Variants in FRMPD4 observed in about 807,000 individuals in gnomAD.
FRMPD4 encodes FERM and PDZ domain-containing protein 4.
In FRMPD4, 22 loss-of-function variants were observed where a neutral mutation model predicts 94.1. That is an observed-to-expected ratio of 0.23 (90% CI 0.17 to 0.33). The LOEUF is 0.33. Ranked by LOEUF, FRMPD4 falls within the 10% of genes least tolerant of loss-of-function variation. The pLI is 1.00. For synonymous variants in FRMPD4, 631 were observed against 548.6 expected (o/e 1.15, Z -2.10); for missense variants, 1,111 against 1,339.9 (o/e 0.83, Z 2.67).
chrX:12,691,285 T>C (rs1457073884), intron 8 of FRMPD4, among the ~76,000 whole-genome samples: 1 of 110,324 alleles, frequency 9.1e-6, no homozygotes, highest in Non-Finnish European at 1.9e-5. Flanking sequence ...TTTGTTTTGT[T>C]TTGTTTTGTT....
intron 1 of FRMPD4, among the ~76,000 whole-genome samples, chrX:12,252,216 G>T (rs2054050597): frequency 9.0e-6 from 1 of 111,030 alleles, no homozygotes; most frequent in African/African-American, 3.3e-5. Flanking sequence ...TCTGTGATGA[G>T]GACCCCAGGC....
intron 1 of FRMPD4, among the ~76,000 whole-genome samples, chrX:12,179,004 A>G (rs2056327061): frequency 8.9e-6 from 1 of 111,984 alleles, no homozygotes; most frequent in Non-Finnish European, 1.9e-5. Flanking sequence ...TTTCTGGACT[A>G]TTTGAATGCT....
intron 1 of FRMPD4, among the ~76,000 whole-genome samples, chrX:12,172,269 A>C (rs73190562): frequency 9.1e-6 from 1 of 109,887 alleles, no homozygotes; most frequent in Admixed American, 9.8e-5. Context: ...GGAAAAAAAA[A>C]AAAAGGGATA....
intron 2 of FRMPD4, among the ~76,000 whole-genome samples, chrX:12,564,982 A>G (rs1338520501): frequency 1.8e-5 from 2 of 110,382 alleles, no homozygotes; most frequent in Non-Finnish European, 3.8e-5. Context: ...GCTACTCAGG[A>G]GGCTGAGGCA....
chrX:11,952,223 T>A (rs1420817399), intron 3 of FRMPD4, among the ~76,000 whole-genome samples: 2 of 111,561 alleles, frequency 1.8e-5, no homozygotes, highest in East Asian at 5.6e-4. Context: ...CTGATATGGG[T>A]GGATTAGGGC....
chrX:12,415,400 G>GA (rs1028246048), intron 1 of FRMPD4, among the ~76,000 whole-genome samples: 32 of 110,638 alleles, frequency 2.9e-4, no homozygotes, highest in South Asian at 7.7e-4. Flanking sequence ...TCCCCAGTTG[G>GA]AAAAAAAATC....
intron 2 of FRMPD4, among the ~76,000 whole-genome samples, chrX:12,603,921 C>T (rs1043643299): frequency 9.1e-6 from 1 of 110,362 alleles, no homozygotes; most frequent in South Asian, 3.9e-4. Context: ...GGAAAAGAGA[C>T]GGGGGTTGAT....
At chrX:12,698,509 G>A (rs1460523275) in intron 9 of FRMPD4, among the ~76,000 whole-genome samples, 1 of 110,880 alleles carries the variant, frequency 9.0e-6, no homozygotes, top group Non-Finnish European at 1.9e-5. Context: ...CTCAAGTGGA[G>A]CCTTTTGGGA....
In FRMPD4 at chrX:12,721,419, T is replaced by C; in HGVS notation, c.4850T>C (p.Leu1617Pro). ...GCCCAAAATGATGCCAATGAGCTGC[T>C]CTGTCTCGTCAGGGCAACCAAGGAG... ...LAAQNDANEL[L>P]CLVRATKEKR... Residue 1617 changes from leucine (L) to proline (P), a missense_variant, in exon 17 of 17, where the codon CTC (leucine) becomes CCC (proline). Leu to Pro is a moderately conservative substitution (Grantham distance 98). This residue lies in a region of FRMPD4 where 551 missense variants were observed against 591.6 expected (regional missense o/e 0.93). Coordinates refer to ENST00000675598, the MANE Select transcript of FRMPD4 (RefSeq NM_001368397.1). 1.3e-6 allele frequency: 1 copy of C among 752,973 alleles called. No homozygotes were observed. Among genetic ancestry groups the C allele is most frequent in the Non-Finnish European group, 1.6e-6 (1 of 636,671 alleles). 62.1% of individuals were successfully genotyped at this position (752,973 alleles called of 1,213,427 possible). A position where few individuals can be genotyped will look rare whatever the true frequency, so the allele number is the denominator to read the frequency against.
At position 12,256,470 on chromosome X, in the gene FRMPD4, G is replaced by A. The variant is rs1468680193; in HGVS notation, c.41+117458G>A. ...ATCCTCTTGAGAGGCTTAACCACCC[G>A]TTGAATTTGGTCAAGTGTGAGTGAG... On this transcript the variant is annotated intron_variant, in intron 1 of 16. Transcript: ENST00000675598. Among the ~76,000 whole-genome samples, 10 of 112,128 alleles carry A rather than the reference G, an allele frequency of 8.9e-5. No homozygotes were observed. The South Asian group carries it at 2.6e-3, about 29-fold the overall frequency.
At chrX:12,469,549 C>A (rs779980963) in intron 1 of FRMPD4, among the ~76,000 whole-genome samples, 7 of 111,797 alleles carry the variant, frequency 6.3e-5, no homozygotes, top group African/African-American at 1.9e-4. Context: ...CCGTGCCCGG[C>A]CTCCTTTCTT....
chrX:12,359,340 A>G (rs2055945210), intron 1 of FRMPD4, among the ~76,000 whole-genome samples: 1 of 112,204 alleles, frequency 8.9e-6, no homozygotes, highest in African/African-American at 3.2e-5. Context: ...ATTACTCTCA[A>G]CTTAATCTGA....
intron 3 of FRMPD4, among the ~76,000 whole-genome samples, chrX:11,983,350 G>A (rs2054407102): frequency 9.0e-6 from 1 of 111,643 alleles, no homozygotes; most frequent in Non-Finnish European, 1.9e-5. Flanking sequence ...GCCTTAGATG[G>A]ATCCTTGTCT....
intron 1 of FRMPD4, among the ~76,000 whole-genome samples, chrX:12,204,228 C>G (rs1232558910): frequency 1.8e-5 from 2 of 112,315 alleles, no homozygotes; most frequent in Non-Finnish European, 3.8e-5. Context: ...CTACATCGTG[C>G]AATGCACAGG....
intron 1 of FRMPD4, among the ~76,000 whole-genome samples, chrX:12,335,241 C>T (rs1396490317): frequency 5.5e-5 from 6 of 109,901 alleles, no homozygotes; most frequent in African/African-American, 2.0e-4. Context: ...ATCCTTGCAC[C>T]TCAGCCACCG....
chrX:11,866,753 C>A (rs1324503033), intron 2 of FRMPD4, among the ~76,000 whole-genome samples: 1 of 111,659 alleles, frequency 9.0e-6, no homozygotes, highest in Non-Finnish European at 1.9e-5. Context: ...TTTAATATTA[C>A]TGAAAAATAT....
intron 1 of FRMPD4, among the ~76,000 whole-genome samples, chrX:12,353,639 A>G (rs971430116): frequency 8.9e-6 from 1 of 112,359 alleles, no homozygotes; most frequent in East Asian, 2.8e-4. Context: ...GCTCTTAAAG[A>G]GGTCTCGCTT....
At chrX:12,216,253 C>T (rs181428476) in intron 1 of FRMPD4, among the ~76,000 whole-genome samples, 313 of 111,410 alleles carry the variant, frequency 2.8e-3, no homozygotes, top group African/African-American at 9.3e-3. Flanking sequence ...GCAGCCGGGG[C>T]TTTTCAGGCA....
intron 1 of FRMPD4, among the ~76,000 whole-genome samples, chrX:12,184,488 A>G (rs747117463): frequency 8.9e-6 from 1 of 112,217 alleles, no homozygotes; most frequent in Non-Finnish European, 1.9e-5. Flanking sequence ...TAAGAACGAT[A>G]AAAAATGACA....
Sources: gnomAD v4.1 joint callset for allele counts (sites outside exome capture counted in the v4.1 genomes callset) on GRCh38, gnomAD v4.1.1 for gene constraint, gnomAD v4.1.1 regional missense constraint, MANE v1.5 for transcripts, NCBI Gene and HGNC (gene_info 2026-07-23, HGNC 2026-07-21) for gene names.